EXOC4: variants seen among roughly 807,000 people sequenced by gnomAD.
The protein encoded by EXOC4 is SEC8-like 1.
EXOC4 carries 71 observed loss-of-function variants against 107.2 expected under a neutral mutation model. The ratio of observed to expected loss-of-function variants is 0.66; its 90% CI spans 0.55 to 0.81. The LOEUF is 0.81. EXOC4 is among the 30% of genes least tolerant of loss of function. EXOC4 has a pLI of 0.00. For missense variants in EXOC4, 1,108 were observed against 1,189.6 expected, an observed-to-expected ratio of 0.93 and a Z score of 1.01; for synonymous variants, 456 against 441.2, an observed-to-expected ratio of 1.03 and a Z score of -0.42.
intron 5 of EXOC4, among the ~76,000 whole-genome samples, chr7:133,335,200 T>C (rs376219318): frequency 6.6e-6 from 1 of 152,220 alleles, no homozygotes; most frequent in Admixed American, 6.5e-5. Context: ...CTTAAAAATT[T>C]TTTTTAATGT....
intron 7 of EXOC4, among the ~76,000 whole-genome samples, chr7:133,469,718 A>T (rs972147466): frequency 1.8e-4 from 27 of 152,298 alleles, no homozygotes; most frequent in Non-Finnish European, 3.2e-4. Context: ...CAGCAACTGG[A>T]TGTGAGACCT....
At chr7:133,882,168 C>A (rs1284564529) in intron 11 of EXOC4, among the ~76,000 whole-genome samples, 2 of 152,156 alleles carry the variant, frequency 1.3e-5, no homozygotes, top group Non-Finnish European at 2.9e-5. Flanking sequence ...CATGTGAATT[C>A]TTGTGTTAAC....
intron 10 of EXOC4, among the ~76,000 whole-genome samples, chr7:133,679,686 T>C (rs1794146109): frequency 6.6e-6 from 1 of 152,192 alleles, no homozygotes; most frequent in South Asian, 2.1e-4. Flanking sequence ...GACATCATAT[T>C]AACTATAACA....
chr7:133,823,522 T>G (rs1236169857), intron 11 of EXOC4, among the ~76,000 whole-genome samples: 1 of 151,762 alleles, frequency 6.6e-6, no homozygotes, highest in Non-Finnish European at 1.5e-5. Flanking sequence ...ACATCAAAAA[T>G]TATTGTTGAA....
At chr7:133,629,377 G>A (rs1450954466) in intron 9 of EXOC4, among the ~76,000 whole-genome samples, 1 of 152,104 alleles carries the variant, frequency 6.6e-6, no homozygotes, top group Non-Finnish European at 1.5e-5. Flanking sequence ...AAAGCTTTAT[G>A]TGCCATACTA....
chr7:133,358,227 A>C (rs1035120191), intron 6 of EXOC4, among the ~76,000 whole-genome samples: 7 of 152,120 alleles, frequency 4.6e-5, no homozygotes, highest in Non-Finnish European at 8.8e-5. Flanking sequence ...CCAAAACCAA[A>C]CAAACAAAAA....
intron 9 of EXOC4, among the ~76,000 whole-genome samples, chr7:133,599,729 C>T (rs545615970): frequency 6.6e-6 from 1 of 152,016 alleles, no homozygotes; most frequent in East Asian, 1.9e-4. Context: ...CAGAGCATAC[C>T]TTTTATTTAC....
At chr7:133,307,252 C>G (rs1458357591) in intron 4 of EXOC4, among the ~76,000 whole-genome samples, 1 of 152,136 alleles carries the variant, frequency 6.6e-6, no homozygotes, top group Admixed American at 6.5e-5. Context: ...CAGATAGGCA[C>G]TAGAAAAACT....
chr7:134,045,777 T>C (rs1795636292), intron 17 of EXOC4, among the ~76,000 whole-genome samples: 1 of 152,064 alleles, frequency 6.6e-6, no homozygotes, highest in Non-Finnish European at 1.5e-5. Context: ...TCACTCCTCA[T>C]TTCCCCCAAA....
intron 10 of EXOC4, among the ~76,000 whole-genome samples, chr7:133,793,948 T>A (rs1275364537): frequency 6.6e-6 from 1 of 152,182 alleles, no homozygotes; most frequent in Admixed American, 6.5e-5. Context: ...GAACTGTGGG[T>A]CTCAAATATA....
At chr7:133,351,654 T>C (rs1443696231) in intron 5 of EXOC4, among the ~76,000 whole-genome samples, 1 of 151,950 alleles carries the variant, frequency 6.6e-6, no homozygotes, top group African/African-American at 2.4e-5. Context: ...AATCAGTTTT[T>C]GGTATTGTTT....
intron 9 of EXOC4, among the ~76,000 whole-genome samples, chr7:133,618,907 A>G (rs1247779521): frequency 1.3e-5 from 2 of 152,198 alleles, no homozygotes; most frequent in Non-Finnish European, 2.9e-5. Flanking sequence ...TGAAAACAGG[A>G]AAAATGCCTC....
At chr7:133,705,916 G>C (rs59834203) in intron 10 of EXOC4, among the ~76,000 whole-genome samples, 14,790 of 152,172 alleles carry the variant, frequency 0.097, 778 homozygotes, top group Middle Eastern at 0.14. Flanking sequence ...ATTGACTGCA[G>C]ATAACTGAAG....
intron 12 of EXOC4, among the ~76,000 whole-genome samples, chr7:133,896,797 C>T (rs1257837144): frequency 6.9e-6 from 1 of 145,062 alleles, no homozygotes. Context: ...CCCTGAGTAG[C>T]TGGGACTACA....
At chr7:133,804,159 C>A (rs554364677) in intron 10 of EXOC4, among the ~76,000 whole-genome samples, 1 of 152,040 alleles carries the variant, frequency 6.6e-6, no homozygotes, top group Non-Finnish European at 1.5e-5. Context: ...TTGTGAATAC[C>A]GTTGCAAGAT....
chr7:133,339,173 A>C (rs1489496873), intron 5 of EXOC4, among the ~76,000 whole-genome samples: 1 of 152,202 alleles, frequency 6.6e-6, no homozygotes, highest in Non-Finnish European at 1.5e-5. Context: ...TCCCAACTCC[A>C]TCCAGGTTGC....
chr7:133,353,280 G>A (rs1032098188), intron 5 of EXOC4, among the ~76,000 whole-genome samples: 13 of 152,026 alleles, frequency 8.6e-5, no homozygotes, highest in Middle Eastern at 3.4e-3. Context: ...TCATTTTAAC[G>A]TGCAGGACTT....
At chr7:133,284,520 G>GTTTTA (rs748305599) in intron 2 of EXOC4, among the ~76,000 whole-genome samples, 12 of 152,036 alleles carry the variant, frequency 7.9e-5, no homozygotes, top group African/African-American at 2.4e-4. Flanking sequence ...TGAGAGATAT[G>GTTTTA]TTTTATTTTA....
At chr7:133,873,745 A>G (rs895455072) in intron 11 of EXOC4, among the ~76,000 whole-genome samples, 2 of 152,226 alleles carry the variant, frequency 1.3e-5, no homozygotes, top group African/African-American at 4.8e-5. Context: ...TTTGAAAACT[A>G]TCGTACATTC....
Sources: gnomAD v4.1 joint callset for allele counts (sites outside exome capture counted in the v4.1 genomes callset) on GRCh38, gnomAD v4.1.1 for gene constraint, MANE v1.5 for transcripts, NCBI Gene and HGNC (gene_info 2026-07-23, HGNC 2026-07-21) for gene names.